KYNU: variants seen among roughly 807,000 people sequenced by gnomAD.
KYNU encodes the protein L-kynurenine hydrolase.
In KYNU, 54 loss-of-function variants were observed where a neutral mutation model predicts 59.2. That is an observed-to-expected ratio of 0.91 (90% CI 0.73 to 1.14). KYNU has a LOEUF of 1.14. KYNU is among the 50% of genes most tolerant of loss of function. The pLI, the probability that KYNU is intolerant of heterozygous loss-of-function variation, is 0.00. For synonymous variants in KYNU, 177 were observed against 192.0 expected (o/e 0.92, Z 0.65); for missense variants, 567 against 554.4 (o/e 1.02, Z -0.23).
At chr2:142,966,345 T>G (rs563005258) in intron 8 of KYNU, among the ~76,000 whole-genome samples, 2 of 152,342 alleles carry the variant, frequency 1.3e-5, no homozygotes, top group African/African-American at 4.8e-5. Context: ...CTTTGGCTTT[T>G]GTGTCCACAG....
In KYNU at chr2:143,048,684, C is replaced by T. The variant is rs139508924; in HGVS notation, c.*6512C>T. On this transcript the variant is annotated 3_prime_UTR_variant, in exon 14 of 14. Coordinates refer to ENST00000264170, the MANE Select transcript of KYNU (RefSeq NM_003937.3). ...TTTCACTTCATATAGAATTCTATGT[C>T]GACAGTAATTTTCTTTCAGGAAGTA... The T allele has an allele frequency of 3.3e-5, 5 of 152,204 alleles. No homozygotes were observed. The highest frequency in any genetic ancestry group is 7.2e-5 in the African/African-American group (3 of 41,544). The allele number at this position is 152,204 out of a possible 1,614,324, so 9.4% of individuals were successfully genotyped here.
At chr2:142,948,258 C>T (rs1252359958) in intron 4 of KYNU, among the ~76,000 whole-genome samples, 1 of 152,168 alleles carries the variant, frequency 6.6e-6, no homozygotes, top group African/African-American at 2.4e-5. Flanking sequence ...TTTTCTTTTA[C>T]ATCTTCCTCA....
At chr2:142,899,407 G>C (rs1319523990) in intron 2 of KYNU, among the ~76,000 whole-genome samples, 2 of 152,272 alleles carry the variant, frequency 1.3e-5, no homozygotes, top group Non-Finnish European at 1.5e-5. Context: ...CCAGCCCTGT[G>C]TTTAAAGGTG....
In KYNU at chr2:142,996,453, A is replaced by T. The variant is rs150705517; in HGVS notation, c.902+10432A>T. Among the ~76,000 whole-genome samples the T allele has an allele frequency of 2.7e-3, 408 of 152,240 alleles. 2 individuals carry two copies. The highest frequency in any genetic ancestry group is 9.0e-3 in the African/African-American group (375 of 41,556). On this transcript the variant is annotated intron_variant, in intron 10 of 13. Coordinates refer to ENST00000264170, the MANE Select transcript of KYNU (RefSeq NM_003937.3). ...ACGCTGGTCTGTTTCTTGAGGATTT[A>T]CTATAGACTGGGCTGTATTCAAAGC...
intron 10 of KYNU, among the ~76,000 whole-genome samples, chr2:142,995,609 G>C (rs1341968482): frequency 3.9e-5 from 6 of 151,976 alleles, no homozygotes. Flanking sequence ...CTGTTTAATG[G>C]CATGGCATGC....
At chr2:142,939,759 A>G (rs541650027) in intron 4 of KYNU, among the ~76,000 whole-genome samples, 13 of 152,350 alleles carry the variant, frequency 8.5e-5, no homozygotes, top group African/African-American at 2.4e-4. Flanking sequence ...AGAAATCTGC[A>G]TAGACCAGAA....
chr2:143,030,379 A>G (rs1686705236), intron 11 of KYNU, among the ~76,000 whole-genome samples: 1 of 152,238 alleles, frequency 6.6e-6, no homozygotes, highest in Non-Finnish European at 1.5e-5. Flanking sequence ...GGATGCAGAA[A>G]GATCATACGT....
intron 10 of KYNU, among the ~76,000 whole-genome samples, chr2:143,005,816 A>G (rs1431077964): frequency 1.3e-5 from 2 of 152,074 alleles, no homozygotes; most frequent in African/African-American, 4.8e-5. Context: ...ATGATAGATT[A>G]TTGGTTTACA....
chr2:142,931,032 C>T (rs185446012), intron 4 of KYNU, among the ~76,000 whole-genome samples: 128 of 152,298 alleles, frequency 8.4e-4, no homozygotes, highest in African/African-American at 3.0e-3. Context: ...GACATAACTG[C>T]TGCGTTGTAC....
In KYNU at chr2:143,046,909, G is replaced by A. The variant is rs943147650; in HGVS notation, c.*4737G>A. The stretch of plus-strand genomic sequence containing the variant: ...GTTTTGGAAGAATTGACTCAATAGT[G>A]AGCCTTCCTACCCAAGACCATGGCA... On this transcript the variant is annotated 3_prime_UTR_variant, in exon 14 of 14. Transcript: ENST00000264170. 1 of 152,072 alleles carries A rather than the reference G, an allele frequency of 6.6e-6. No homozygotes were observed. Among genetic ancestry groups the A allele is most frequent in the African/African-American group, 2.4e-5 (1 of 41,406 alleles). 9.4% of individuals were successfully genotyped at this position (152,072 alleles called of 1,614,324 possible).
chr2:142,882,826 A>T (rs536223014), intron 1 of KYNU, among the ~76,000 whole-genome samples: 1 of 152,290 alleles, frequency 6.6e-6, no homozygotes, highest in African/African-American at 2.4e-5. Context: ...ATGATTTATA[A>T]TCCTTTGGGT....
intron 8 of KYNU, among the ~76,000 whole-genome samples, chr2:142,982,292 G>A (rs146252809): frequency 0.011 from 1,676 of 152,096 alleles, 14 homozygotes; most frequent in Middle Eastern, 0.051. Context: ...CCTGCATTTA[G>A]CCAGTTTTTA....
At chr2:142,927,789 A>G (rs1573800049) in intron 4 of KYNU, 48 bp downstream of exon 4, 2 of 1,251,336 alleles carry the variant, frequency 1.6e-6, no homozygotes, top group South Asian at 1.2e-5. Context: ...TAAAGATGTT[A>G]TCATTTAGTT....
chr2:142,963,949 T>A (rs1684438508), intron 8 of KYNU, among the ~76,000 whole-genome samples: 1 of 152,212 alleles, frequency 6.6e-6, no homozygotes, highest in African/African-American at 2.4e-5. Flanking sequence ...TTTTTATTCT[T>A]TGAGCATTCT....
chr2:142,948,502 G>A (rs1485033238), intron 4 of KYNU, among the ~76,000 whole-genome samples: 1 of 152,230 alleles, frequency 6.6e-6, no homozygotes, highest in African/African-American at 2.4e-5. Context: ...GCACATAGCT[G>A]GGGAAGCCTC....
At chr2:142,960,166 C>T (rs1405081966) in intron 7 of KYNU, among the ~76,000 whole-genome samples, 1 of 152,146 alleles carries the variant, frequency 6.6e-6, no homozygotes, top group Non-Finnish European at 1.5e-5. Context: ...GGATTACAGG[C>T]GTGAGCCACA....
In KYNU at chr2:143,042,575, T is replaced by G. The variant is rs1159346323; in HGVS notation, c.*403T>G. 5.8e-6 allele frequency: 1 copy of G among 171,866 alleles called. No individual in the cohort carries two copies. The highest frequency in any genetic ancestry group is 1.7e-4 in the East Asian group (1 of 5,976). 10.6% of individuals were successfully genotyped at this position (171,866 alleles called of 1,614,324 possible). ...TTACCAAGGAGTTTCTTTGAAGCAT[T>G]GTAGTCTGATATATATATATATATA... On this transcript the variant is annotated 3_prime_UTR_variant, in exon 14 of 14. Transcript: ENST00000264170.
chr2:143,023,976 C>T (rs1047699992), intron 10 of KYNU, among the ~76,000 whole-genome samples: 9 of 151,138 alleles, frequency 6.0e-5, no homozygotes, highest in Admixed American at 6.6e-5. Context: ...GATTGTACTA[C>T]GAAGCAAAGA....
intron 8 of KYNU, among the ~76,000 whole-genome samples, chr2:142,971,660 T>C (rs1243336835): frequency 6.6e-6 from 1 of 152,234 alleles, no homozygotes; most frequent in Non-Finnish European, 1.5e-5. Flanking sequence ...CACAGATTCA[T>C]GTGCTTTGCA....
Sources: gnomAD v4.1 joint callset for allele counts (sites outside exome capture counted in the v4.1 genomes callset) on GRCh38, gnomAD v4.1.1 for gene constraint, MANE v1.5 for transcripts, NCBI Gene and HGNC (gene_info 2026-07-23, HGNC 2026-07-21) for gene names.